CALN1: variants seen among roughly 807,000 people sequenced by gnomAD.
The protein encoded by CALN1 is calcium-binding protein 8.
Under a neutral mutation model 30.6 loss-of-function variants are expected in CALN1, and 17 were observed. That is an observed-to-expected ratio of 0.56 (90% CI 0.38 to 0.83). CALN1 has a LOEUF of 0.83. Among genes scored for constraint, CALN1 ranks in the 40% least tolerant of loss-of-function variants. The pLI is 0.00. For missense variants in CALN1, 291 were observed against 354.9 expected (o/e 0.82, Z 1.45); for synonymous variants, 156 against 131.4 (o/e 1.19, Z -1.28).
At chr7:72,188,835 C>A (rs995961613) in intron 3 of CALN1, among the ~76,000 whole-genome samples, 10 of 152,114 alleles carry the variant, frequency 6.6e-5, no homozygotes, top group Non-Finnish European at 1.5e-4. Context: ...TTTCTCCCAC[C>A]TTCTCAGGAG....
intron 5 of CALN1, among the ~76,000 whole-genome samples, chr7:72,022,828 T>A (rs1800780117): frequency 6.8e-6 from 1 of 146,456 alleles, no homozygotes. Flanking sequence ...GGTACCTGAA[T>A]AAGACTAGAA....
At chr7:72,488,951 T>C in the CALN1 span, among the ~76,000 whole-genome samples, 1 of 152,186 alleles carries the variant, frequency 6.6e-6, no homozygotes, top group African/African-American at 2.4e-5. Flanking sequence ...AGCTTACTCA[T>C]GGAAGCTGGA....
intron 5 of CALN1, among the ~76,000 whole-genome samples, chr7:71,973,964 G>A (rs1797976598): frequency 6.6e-6 from 1 of 152,176 alleles, no homozygotes; most frequent in African/African-American, 2.4e-5. Flanking sequence ...ATGTGGGGAT[G>A]TGCTGTAATA....
intron 3 of CALN1, among the ~76,000 whole-genome samples, chr7:72,195,496 C>G (rs373061960): frequency 7.4e-4 from 112 of 152,302 alleles, no homozygotes; most frequent in Middle Eastern, 3.4e-3. Flanking sequence ...CTGCTTCAGC[C>G]TCCTGAGTAG....
intron 3 of CALN1, among the ~76,000 whole-genome samples, chr7:72,261,610 TAG>T: frequency 6.6e-6 from 1 of 152,180 alleles, no homozygotes; most frequent in Non-Finnish European, 1.5e-5. Context: ...CGATTTTCTG[TAG>T]AGATGGGATC....
chr7:72,178,494 C>T (rs1789529810), intron 3 of CALN1, among the ~76,000 whole-genome samples: 1 of 152,204 alleles, frequency 6.6e-6, no homozygotes, highest in Middle Eastern at 3.4e-3. Flanking sequence ...AGTTCGAGAC[C>T]AGCCTGACCA....
rs1206175357 is a variant in CALN1, at chr7:72,405,866, T to A, written c.-73-2424A>T. On this transcript the variant is annotated intron_variant, in intron 1 of 6. Transcript: ENST00000395275. ...TGCAAAAACTTCTGAATATGTTGAGTCCCTTCTCTTGTCAGGTCCCCCCAG... is the reference window on the plus strand; with the variant it reads ...TGCAAAAACTTCTGAATATGTTGAGACCCTTCTCTTGTCAGGTCCCCCCAG... Among the ~76,000 whole-genome samples, 4 of 152,100 alleles carry A rather than the reference T, an allele frequency of 2.6e-5. No individual in the cohort carries two copies. The East Asian group carries it at 5.8e-4, about 22-fold the overall frequency.
At chr7:72,122,279 A>C (rs1808451331) in intron 3 of CALN1, among the ~76,000 whole-genome samples, 2 of 152,202 alleles carry the variant, frequency 1.3e-5, no homozygotes, top group African/African-American at 4.8e-5. Context: ...TTGGCATCTG[A>C]GGAAACAAAA....
At chr7:71,859,051 C>A (rs1490041757) in intron 5 of CALN1, among the ~76,000 whole-genome samples, 1 of 151,916 alleles carries the variant, frequency 6.6e-6, no homozygotes, top group East Asian at 1.9e-4. Flanking sequence ...TGTCTTTTTT[C>A]TTTTTTTGTA....
intron 5 of CALN1, among the ~76,000 whole-genome samples, chr7:71,878,546 G>T (rs1792383323): frequency 6.6e-6 from 1 of 152,170 alleles, no homozygotes; most frequent in African/African-American, 2.4e-5. Flanking sequence ...CAGTGCAAAG[G>T]AGCTACAGGT....
At chr7:71,896,912 G>A (rs1048516448) in intron 5 of CALN1, among the ~76,000 whole-genome samples, 7 of 152,156 alleles carry the variant, frequency 4.6e-5, no homozygotes, top group Non-Finnish European at 1.0e-4. Flanking sequence ...AGCATTGCAT[G>A]TTTGCCAAGG....
chr7:72,468,746 C>T, the CALN1 span, among the ~76,000 whole-genome samples: 1 of 152,092 alleles, frequency 6.6e-6, no homozygotes, highest in Non-Finnish European at 1.5e-5. Context: ...TTTTTAAGAG[C>T]CATCATAGCG....
At chr7:72,214,886 G>A (rs1792666261) in intron 3 of CALN1, among the ~76,000 whole-genome samples, 1 of 151,524 alleles carries the variant, frequency 6.6e-6, no homozygotes, top group Non-Finnish European at 1.5e-5. Flanking sequence ...TCCTTATGAG[G>A]ATCTAATGCC....
chr7:72,054,765 T>G (rs1240397720), intron 4 of CALN1, among the ~76,000 whole-genome samples: 1 of 151,490 alleles, frequency 6.6e-6, no homozygotes, highest in Non-Finnish European at 1.5e-5. Context: ...TACTTGAAGG[T>G]GAAGGAGGGA....
At chr7:72,338,469 C>CTGTGTG (rs1562903665) in intron 2 of CALN1, among the ~76,000 whole-genome samples, 17 of 41,982 alleles carry the variant, frequency 4.0e-4, no homozygotes, top group East Asian at 1.4e-3. Context: ...GCCAGCAGCA[C>CTGTGTG]AGTGTGTGTG....
At chr7:72,400,844 G>C (rs972394803) in intron 2 of CALN1, among the ~76,000 whole-genome samples, 2 of 152,112 alleles carry the variant, frequency 1.3e-5, no homozygotes, top group African/African-American at 4.8e-5. Context: ...TTTTACTTCT[G>C]ATAACTCTCC....
chr7:72,412,893 G>A (rs1435433577), upstream of CALN1, among the ~76,000 whole-genome samples: 2 of 152,324 alleles, frequency 1.3e-5, no homozygotes, highest in East Asian at 1.9e-4. Context: ...CACAGCCCCA[G>A]GCCTGGCTTT....
chr7:72,381,350 G>A (rs903959346), intron 2 of CALN1, among the ~76,000 whole-genome samples: 1 of 152,072 alleles, frequency 6.6e-6, no homozygotes, highest in Non-Finnish European at 1.5e-5. Context: ...ATACCCAAAG[G>A]ATTACAAATC....
intron 4 of CALN1, among the ~76,000 whole-genome samples, chr7:72,092,924 G>A (rs1179980360): frequency 6.6e-6 from 1 of 152,134 alleles, no homozygotes; most frequent in East Asian, 1.9e-4. Context: ...GAGTGAGGAT[G>A]TCACAGAGAA....
Sources: allele counts gnomAD v4.1 joint callset (sites outside exome capture counted in the v4.1 genomes callset), GRCh38; gene constraint gnomAD v4.1.1; transcripts MANE v1.5; gene names NCBI Gene and HGNC (gene_info 2026-07-23, HGNC 2026-07-21).